Variants in EDIL3 observed in about 807,000 individuals in gnomAD.
The protein encoded by EDIL3 is EGF-like repeat and discoidin I-like domain-containing protein 3.
In EDIL3, 37 loss-of-function variants were observed where a neutral mutation model predicts 67.4. The observed-to-expected ratio is 0.55, with a 90% CI of 0.42 to 0.72. The LOEUF (loss-of-function observed/expected upper bound fraction) is 0.72, where lower values mean the gene tolerates loss of function less well. Among genes scored for constraint, EDIL3 ranks in the 30% least tolerant of loss-of-function variants. EDIL3 has a pLI of 0.00. For synonymous variants in EDIL3, 195 were observed against 196.3 expected (o/e 0.99, Z 0.05); for missense variants, 527 against 586.3 (o/e 0.90, Z 1.04).
At chr5:84,308,667 T>C (rs1401313813) in intron 1 of EDIL3, among the ~76,000 whole-genome samples, 1 of 152,184 alleles carries the variant, frequency 6.6e-6, no homozygotes, top group South Asian at 2.1e-4. Context: ...CAGTAAATTA[T>C]TAATCTGTGA....
chr5:83,945,298 A>G (rs779520673), intron 10 of EDIL3, among the ~76,000 whole-genome samples: 1 of 151,988 alleles, frequency 6.6e-6, no homozygotes, highest in Non-Finnish European at 1.5e-5. Flanking sequence ...AAATCTTGAG[A>G]GACTGTTGCT....
intron 5 of EDIL3, among the ~76,000 whole-genome samples, chr5:84,113,185 T>C (rs529561394): frequency 6.6e-6 from 1 of 152,244 alleles, no homozygotes; most frequent in South Asian, 2.1e-4. Context: ...AATACAAAAA[T>C]AGAATACGGT....
At chr5:84,347,889 C>T (rs2112185100) in intron 1 of EDIL3, among the ~76,000 whole-genome samples, 1 of 152,236 alleles carries the variant, frequency 6.6e-6, no homozygotes, top group Non-Finnish European at 1.5e-5. Context: ...ACTTGGAAGG[C>T]AAGCACTAAC....
At chr5:83,958,065 A>G (rs1744546500) in intron 10 of EDIL3, among the ~76,000 whole-genome samples, 1 of 151,710 alleles carries the variant, frequency 6.6e-6, no homozygotes, top group South Asian at 2.1e-4. Flanking sequence ...TCTTATTTTT[A>G]GAAACATTGA....
intron 1 of EDIL3, among the ~76,000 whole-genome samples, chr5:84,348,381 A>G (rs1421306272): frequency 6.6e-6 from 1 of 152,054 alleles, no homozygotes; most frequent in East Asian, 1.9e-4. Context: ...GGCCTGAGGG[A>G]TTCAGGTGGT....
At chr5:84,029,032 T>C (rs533443739) in intron 9 of EDIL3, among the ~76,000 whole-genome samples, 1 of 152,118 alleles carries the variant, frequency 6.6e-6, no homozygotes, top group East Asian at 1.9e-4. Context: ...CTGAGGCAGG[T>C]GGATCACGAG....
intron 3 of EDIL3, among the ~76,000 whole-genome samples, chr5:84,186,443 T>C (rs973790285): frequency 6.6e-6 from 1 of 152,038 alleles, no homozygotes; most frequent in Admixed American, 6.6e-5. Flanking sequence ...TGTCAGCAGC[T>C]GAAAGACAAA....
At chr5:84,285,424 A>G (rs1265642699) in intron 1 of EDIL3, among the ~76,000 whole-genome samples, 3 of 152,216 alleles carry the variant, frequency 2.0e-5, no homozygotes, top group Admixed American at 2.0e-4. Context: ...CTCATATTTA[A>G]GAAGCATTAC....
At chr5:84,096,930 G>A (rs1197992892) in intron 6 of EDIL3, among the ~76,000 whole-genome samples, 2 of 152,120 alleles carry the variant, frequency 1.3e-5, no homozygotes, top group African/African-American at 4.8e-5. Context: ...GAGTTTCCCT[G>A]CACAAGCTCT....
intron 6 of EDIL3, among the ~76,000 whole-genome samples, chr5:84,083,016 G>T (rs1377412904): frequency 2.0e-5 from 3 of 152,146 alleles, no homozygotes; most frequent in Admixed American, 1.3e-4. Flanking sequence ...CCTGGAAGAG[G>T]TCATATCTTT....
chr5:84,370,454 G>GT (rs1672858977), intron 1 of EDIL3, among the ~76,000 whole-genome samples: 1 of 152,172 alleles, frequency 6.6e-6, no homozygotes, highest in African/African-American at 2.4e-5. Context: ...GCTGATGGGA[G>GT]TAACTGTCAG....
Position 84,137,282 on chromosome 5 carries a change from C to G in EDIL3, c.428G>C (p.Cys143Ser). The change falls in exon 5 of 11, where the codon TGT becomes TCT. Residue 143 changes from cysteine to serine, a missense_variant. This residue lies in a region of EDIL3 where 494 missense variants were observed against 522.5 expected (regional missense o/e 0.95). Transcript: ENST00000296591. ...TCCCATAAATTCGCCTGGGCACTCA[C>G]AGGAATAGTTAGCAACAAGATCTGT... Reference protein sequence around the residue: ...ICTDLVANYSCECPGEFMGRN... With the variant: ...ICTDLVANYSSECPGEFMGRN... 6.2e-7 allele frequency: 1 copy of G among 1,613,658 alleles called. No individual in the cohort carries two copies. Among genetic ancestry groups the G allele is most frequent in the Non-Finnish European group, 8.5e-7 (1 of 1,179,910 alleles).
intron 1 of EDIL3, among the ~76,000 whole-genome samples, chr5:84,377,654 C>T (rs1238285050): frequency 1.3e-5 from 2 of 152,152 alleles, no homozygotes; most frequent in African/African-American, 2.4e-5. Context: ...GGCCTAACCC[C>T]ATTTAGAGAT....
chr5:84,146,009 T>C (rs1376454999), intron 4 of EDIL3, among the ~76,000 whole-genome samples: 2 of 152,122 alleles, frequency 1.3e-5, no homozygotes, highest in African/African-American at 4.8e-5. Context: ...GAATCTTCCT[T>C]AGGCTTTTGC....
chr5:84,066,259 AATGT>A (rs1746638874), intron 7 of EDIL3, among the ~76,000 whole-genome samples, 188 bp downstream of exon 7: 2 of 152,128 alleles, frequency 1.3e-5, no homozygotes, highest in Admixed American at 1.3e-4. Context: ...GAAAATCTTA[AATGT>A]CAGCCATTTT....
At chr5:84,118,873 C>T (rs982928661) in intron 5 of EDIL3, among the ~76,000 whole-genome samples, 13 of 152,180 alleles carry the variant, frequency 8.5e-5, no homozygotes, top group Non-Finnish European at 1.3e-4. Context: ...CCTTGGGGTA[C>T]GAGCCAGACA....
rs1561449419 is a variant in EDIL3, at chr5:84,160,801, TTTCCTTTCCTTTCCTTTC to T, written c.355+19574_355+19591del. Reference sequence around the variant, plus strand: ...TTTCCTTTCCTTTCCTTTCCTTTCCTTTCCTTTCCTTTCCTTTCCCTTTCCTTTTCCTTTCCTTTTCCT... The same window carrying T: ...TTTCCTTTCCTTTCCTTTCCTTTCCTCCTTTCCTTTTCCTTTCCTTTTCCT... On this transcript the variant is annotated intron_variant, in intron 4 of 10. Coordinates refer to ENST00000296591, the MANE Select transcript of EDIL3 (RefSeq NM_005711.5). Among the ~76,000 whole-genome samples the T allele has an allele frequency of 6.3e-3, 798 of 127,432 alleles. 19 individuals carry two copies. The highest frequency in any genetic ancestry group is 0.024 in the African/African-American group (763 of 31,732). 83.6% of individuals were successfully genotyped at this position (127,432 alleles called of 152,430 possible).
chr5:84,037,876 C>T (rs931195206), intron 9 of EDIL3, among the ~76,000 whole-genome samples: 1 of 151,288 alleles, frequency 6.6e-6, no homozygotes, highest in Non-Finnish European at 1.5e-5. Context: ...TTCTCTGCCT[C>T]TTGTTGATTT....
At chr5:84,324,934 A>T (rs1165517885) in intron 1 of EDIL3, among the ~76,000 whole-genome samples, 1 of 151,560 alleles carries the variant, frequency 6.6e-6, no homozygotes, top group Non-Finnish European at 1.5e-5. Context: ...GATTAAAAAA[A>T]AAAATCCCTG....
Sources: gnomAD v4.1 joint callset for allele counts (sites outside exome capture counted in the v4.1 genomes callset) on GRCh38, gnomAD v4.1.1 for gene constraint, gnomAD v4.1.1 regional missense constraint, MANE v1.5 for transcripts, NCBI Gene and HGNC (gene_info 2026-07-23, HGNC 2026-07-21) for gene names.